Variants in PCDH15 observed in about 807,000 individuals in gnomAD.
The protein encoded by PCDH15 is protocadherin-15.
Under a neutral mutation model 178.5 loss-of-function variants are expected in PCDH15, and 129 were observed. The observed-to-expected ratio is 0.72, with a 90% CI of 0.63 to 0.84. The LOEUF is 0.84. Among genes scored for constraint, PCDH15 ranks in the 40% least tolerant of loss-of-function variants. The pLI is 0.00. For missense variants in PCDH15, 2,230 were observed against 2,099.9 expected (o/e 1.06, Z -1.21); for synonymous variants, 800 against 732.0 (o/e 1.09, Z -1.50).
intron 21 of PCDH15, among the ~76,000 whole-genome samples, chr10:53,986,695 G>A (rs757002787): frequency 2.0e-5 from 3 of 152,166 alleles, no homozygotes; most frequent in Non-Finnish European, 4.4e-5. Context: ...GAATCTTGAG[G>A]ACATTATGGT....
intron 25 of PCDH15, among the ~76,000 whole-genome samples, chr10:53,929,088 T>C (rs1218714067): frequency 6.6e-6 from 1 of 152,068 alleles, no homozygotes; most frequent in Non-Finnish European, 1.5e-5. Context: ...GTAATATTTT[T>C]CTATTTTGAA....
At chr10:54,002,130 G>A (rs28880117) in intron 20 of PCDH15, among the ~76,000 whole-genome samples, 7 of 149,338 alleles carry the variant, frequency 4.7e-5, no homozygotes, top group Middle Eastern at 3.4e-3. Context: ...GTGTGTGTGT[G>A]TATATATATA....
intron 1 of PCDH15, among the ~76,000 whole-genome samples, chr10:54,722,484 T>A (rs960157256): frequency 6.6e-6 from 1 of 151,690 alleles, no homozygotes; most frequent in Non-Finnish European, 1.5e-5. Flanking sequence ...TGATCCTTTG[T>A]GTTGTTTATT....
At chr10:53,933,902 AT>A in intron 25 of PCDH15, among the ~76,000 whole-genome samples, 1 of 152,198 alleles carries the variant, frequency 6.6e-6, no homozygotes, top group South Asian at 2.1e-4. Flanking sequence ...TGTGGTTTTG[AT>A]TTGCATTTCT....
intron 1 of PCDH15, among the ~76,000 whole-genome samples, chr10:55,205,458 A>ATG (rs1244572264): frequency 6.6e-6 from 1 of 152,070 alleles, no homozygotes; most frequent in Non-Finnish European, 1.5e-5. Context: ...TAATATATAT[A>ATG]TGTGTGTGTT....
chr10:54,125,883 A>G (rs1253976742), intron 15 of PCDH15, among the ~76,000 whole-genome samples: 2 of 152,050 alleles, frequency 1.3e-5, no homozygotes, highest in African/African-American at 2.4e-5. Flanking sequence ...TTTTTTCTCA[A>G]TAGAATAGCT....
intron 2 of PCDH15, among the ~76,000 whole-genome samples, chr10:54,556,351 T>C (rs1328212849): frequency 6.6e-6 from 1 of 150,518 alleles, no homozygotes; most frequent in African/African-American, 2.4e-5. Flanking sequence ...AGTCTTCTGC[T>C]AGACACTGAA....
At chr10:55,406,244 G>T (rs1838195102) in intron 2 of PCDH15, among the ~76,000 whole-genome samples, 1 of 151,872 alleles carries the variant, frequency 6.6e-6, no homozygotes, top group Non-Finnish European at 1.5e-5. Flanking sequence ...GTGAAAAGGG[G>T]ACAGATAACT....
chr10:54,198,120 T>C (rs1420170157), intron 10 of PCDH15, among the ~76,000 whole-genome samples: 3 of 152,132 alleles, frequency 2.0e-5, no homozygotes, highest in Non-Finnish European at 4.4e-5. Flanking sequence ...GGATTATGTA[T>C]CCATCTCACA....
chr10:54,993,875 A>G (rs1591824512), intron 2 of PCDH15, among the ~76,000 whole-genome samples: 1 of 152,326 alleles, frequency 6.6e-6, no homozygotes, highest in Middle Eastern at 3.4e-3. Context: ...CTCATCCAAC[A>G]AATTAAAAAG....
intron 2 of PCDH15, among the ~76,000 whole-genome samples, chr10:55,356,052 T>C (rs780961458): frequency 1.3e-5 from 2 of 151,944 alleles, no homozygotes; most frequent in Non-Finnish European, 1.5e-5. Context: ...AAACCAGGTA[T>C]ATGCTGGATA....
chr10:54,362,019 GA>G (rs1316173357), intron 5 of PCDH15, among the ~76,000 whole-genome samples: 2 of 152,004 alleles, frequency 1.3e-5, no homozygotes, highest in Non-Finnish European at 2.9e-5. Flanking sequence ...TCTGTAAAAT[GA>G]AAACAATGAA....
At chr10:54,219,414 C>T (rs2052516279) in intron 9 of PCDH15, among the ~76,000 whole-genome samples, 1 of 150,260 alleles carries the variant, frequency 6.7e-6, no homozygotes, top group Non-Finnish European at 1.5e-5. Flanking sequence ...CACGGTGACA[C>T]CCCATCTCTA....
Position 55,029,391 on chromosome 10 carries a change from G to A in PCDH15, c.-79-131891C>T, listed in dbSNP as rs192119194. On this transcript the variant is annotated intron_variant, in intron 2 of 5. Transcript: ENST00000458638. ...CACTAGTAATTTTGCTTCAGCAGAT[G>A]TAGTGTGGTGCTGACAATCAGGTTT... Among the ~76,000 whole-genome samples, 165 of 152,170 alleles carry A rather than the reference G, an allele frequency of 1.1e-3. 1 individual carries two copies. The highest frequency in any genetic ancestry group is 2.1e-3 in the Non-Finnish European group (143 of 67,968).
chr10:54,912,902 T>C (rs766140777), intron 2 of PCDH15, among the ~76,000 whole-genome samples: 3 of 152,108 alleles, frequency 2.0e-5, no homozygotes, highest in South Asian at 2.1e-4. Context: ...GGAGTAAAAG[T>C]CTCTCTTACC....
chr10:55,266,191 C>T (rs577102730), intron 1 of PCDH15, among the ~76,000 whole-genome samples: 3 of 146,946 alleles, frequency 2.0e-5, no homozygotes, highest in Admixed American at 6.9e-5. Context: ...CATACTTAAC[C>T]TTATAAAACT....
intron 3 of PCDH15, among the ~76,000 whole-genome samples, chr10:54,398,646 A>T (rs1305771509): frequency 6.6e-6 from 1 of 152,008 alleles, no homozygotes; most frequent in East Asian, 1.9e-4. Flanking sequence ...ATAGTATCTT[A>T]TTCTTGTGCA....
intron 2 of PCDH15, among the ~76,000 whole-genome samples, chr10:55,481,785 T>A (rs905855524): frequency 6.6e-6 from 1 of 151,736 alleles, no homozygotes; most frequent in African/African-American, 2.4e-5. Context: ...AAGTTCCATA[T>A]GCCAATGAGA....
At chr10:53,855,787 C>A (rs1313030807) in intron 28 of PCDH15, among the ~76,000 whole-genome samples, 2 of 150,940 alleles carry the variant, frequency 1.3e-5, no homozygotes, top group Admixed American at 6.6e-5. Flanking sequence ...AGCTTAAAAC[C>A]TAGACAACGG....
Sources: gnomAD v4.1 joint callset for allele counts (sites outside exome capture counted in the v4.1 genomes callset) on GRCh38, gnomAD v4.1.1 for gene constraint, MANE v1.5 for transcripts, NCBI Gene and HGNC (gene_info 2026-07-23, HGNC 2026-07-21) for gene names.